Variants in RINT1 observed in about 807,000 individuals in gnomAD.
RINT1 encodes the protein RAD50-interacting protein 1.
In RINT1, 75 loss-of-function variants were observed where a neutral mutation model predicts 97.7. The ratio of observed to expected loss-of-function variants is 0.77; its 90% CI spans 0.64 to 0.93. RINT1 has a LOEUF of 0.93. Among genes scored for constraint, RINT1 ranks in the 40% least tolerant of loss-of-function variants. RINT1 has a pLI of 0.00. For missense variants in RINT1, 892 were observed against 925.2 expected, an observed-to-expected ratio of 0.96 and a Z score of 0.47; for synonymous variants, 303 against 326.3, an observed-to-expected ratio of 0.93 and a Z score of 0.77.
chr7:105,539,475 C>T (rs559168479), intron 3 of RINT1, among the ~76,000 whole-genome samples: 58 of 152,108 alleles, frequency 3.8e-4, no homozygotes, highest in African/African-American at 1.3e-3. Flanking sequence ...ATTCTCCCGC[C>T]TCAGGCTCCC....
At chr7:105,535,672 C>T in intron 2 of RINT1, 4 of 430,516 alleles carry the variant, frequency 9.3e-6, no homozygotes, top group South Asian at 6.7e-5. Context: ...CCTCCCACCT[C>T]AGCCCACCTG....
Position 105,532,260 on chromosome 7 carries a change from A to G in RINT1, c.-56A>G, listed in dbSNP as rs1345849434. On this transcript the variant is annotated 5_prime_UTR_variant, in exon 1 of 15. Coordinates refer to ENST00000257700, the MANE Select transcript of RINT1 (RefSeq NM_021930.6). Reference sequence around the variant, plus strand: ...AGTGAGTGTGTCGCTGGCCTTAGCCAGACTCCACAGGCCACGCTGGCTGCG... The same window carrying G: ...AGTGAGTGTGTCGCTGGCCTTAGCCGGACTCCACAGGCCACGCTGGCTGCG... 3.9e-6 allele frequency: 6 copies of G among 1,540,274 alleles called. No individual in the cohort carries two copies. The highest frequency in any genetic ancestry group is 2.4e-5 in the East Asian group (1 of 41,168).
chr7:105,546,092 G>A (rs1395041711), intron 4 of RINT1, among the ~76,000 whole-genome samples: 1 of 152,192 alleles, frequency 6.6e-6, no homozygotes, highest in East Asian at 1.9e-4. Flanking sequence ...GCCTCCCAAA[G>A]TGCTGGGATT....
chr7:105,553,937 C>T (rs565423304), intron 10 of RINT1, among the ~76,000 whole-genome samples: 3 of 122,036 alleles, frequency 2.5e-5, no homozygotes, highest in Non-Finnish European at 4.8e-5. Context: ...CTCACTCTGT[C>T]GCCCAGGCTG....
chr7:105,537,565 C>T (rs1030754244), intron 3 of RINT1, among the ~76,000 whole-genome samples: 2 of 151,322 alleles, frequency 1.3e-5, no homozygotes, highest in East Asian at 1.9e-4. Context: ...CACGGTGGCT[C>T]ACACCTGTAA....
At position 105,567,266 on chromosome 7, in the gene RINT1, G is replaced by C. The variant is rs184378923; in HGVS notation, c.2334G>C (p.Glu778Asp). 2.9e-5 allele frequency: 46 copies of C among 1,610,470 alleles called. No individual in the cohort carries two copies. In the Middle Eastern group the frequency reaches 5.0e-4, roughly 17 times the overall value. ...GIYKLAQQDV[E>D]ILLNLRTNWP... ...ACAAACTGGCTCAACAAGATGTTGA[G>C]ATTCTACTTAATTTGAGGACAAATT... Residue 778 changes from glutamate to aspartate, a missense_variant, in exon 15 of 15, where the codon GAG (glutamate) becomes GAC (aspartate). By Grantham distance (45) the Glu-to-Asp change is conservative. Transcript: ENST00000257700.
chr7:105,532,803 T>C, intron 1 of RINT1, 21 bp from the exon 2 acceptor site: 1 of 1,613,748 alleles, frequency 6.2e-7, no homozygotes, highest in South Asian at 1.1e-5. Flanking sequence ...AATGTGCTTG[T>C]CACATCTGTT....
At chr7:105,561,148 A>AATT (rs1791420445) in intron 11 of RINT1, among the ~76,000 whole-genome samples, 1 of 151,806 alleles carries the variant, frequency 6.6e-6, no homozygotes. Context: ...GTCCTCTGTT[A>AATT]ATTTTGGAAA....
intron 6 of RINT1, among the ~76,000 whole-genome samples, chr7:105,548,333 G>A (rs1790768217): frequency 6.6e-6 from 1 of 152,030 alleles, no homozygotes; most frequent in Admixed American, 6.6e-5. Flanking sequence ...CTATCATCAT[G>A]CCTGGCTTTT....
intron 3 of RINT1, chr7:105,541,813 G>T (rs1790470264): frequency 6.6e-6 from 1 of 152,216 alleles, no homozygotes; most frequent in Non-Finnish European, 1.5e-5. Flanking sequence ...TGGATCCTCT[G>T]CTGAGCCTAT....
At chr7:105,562,384 G>T (rs1027389257) in intron 11 of RINT1, among the ~76,000 whole-genome samples, 2 of 152,162 alleles carry the variant, frequency 1.3e-5, no homozygotes, top group Non-Finnish European at 2.9e-5. Flanking sequence ...CTGAGTAGCT[G>T]GGAGGTCTGT....
intron 4 of RINT1, among the ~76,000 whole-genome samples, chr7:105,542,977 C>G (rs112481948): frequency 6.6e-6 from 1 of 151,940 alleles, no homozygotes; most frequent in Non-Finnish European, 1.5e-5. Context: ...CTACACCTCC[C>G]GGGTTCATGC....
chr7:105,547,161 T>C lies in RINT1; in HGVS notation c.690-23T>C, dbSNP rs771915975. 3.7e-6 allele frequency: 6 copies of C among 1,614,116 alleles called. No individual in the cohort carries two copies. The South Asian group carries it at 6.6e-5, about 18-fold the overall frequency. On this transcript the variant is annotated intron_variant, in intron 5 of 14. Transcript: ENST00000257700. ...GATCATTTGGTGATGTACTGAAATG[T>C]ATGTGTTACTTTTCCATTGCAGTGA...
At chr7:105,546,609 C>T (rs1371133980) in intron 4 of RINT1, among the ~76,000 whole-genome samples, 5 of 152,198 alleles carry the variant, frequency 3.3e-5, no homozygotes, top group African/African-American at 1.2e-4. Context: ...CACGGTGACT[C>T]ACGCCTCTAA....
intron 2 of RINT1, among the ~76,000 whole-genome samples, chr7:105,534,642 A>G (rs1466919077): frequency 6.6e-6 from 1 of 151,674 alleles, no homozygotes; most frequent in African/African-American, 2.4e-5. Context: ...GGCAAATGTT[A>G]CAATTTGTTT....
rs111868897 is a variant in RINT1, at chr7:105,559,164, GTGGGTGGATCACC to G, written c.1671+3940_1671+3952del. On this transcript the variant is annotated intron_variant, in intron 11 of 14. Coordinates refer to ENST00000257700, the MANE Select transcript of RINT1 (RefSeq NM_021930.6). ...AATCCCAGCACTTTGGGAGGCCAAGGTGGGTGGATCACCTGACGTCAGGAGTTTGAGACCAGCC... is the reference window on the plus strand; with the variant it reads ...AATCCCAGCACTTTGGGAGGCCAAGGTGACGTCAGGAGTTTGAGACCAGCC... 6.1e-3 allele frequency among the ~76,000 whole-genome samples: 930 copies of G among 152,228 alleles called. 9 individuals carry two copies. Among genetic ancestry groups the G allele is most frequent in the African/African-American group, 0.022 (895 of 41,526 alleles).
At chr7:105,561,000 G>C (rs565406866) in intron 11 of RINT1, among the ~76,000 whole-genome samples, 2 of 151,750 alleles carry the variant, frequency 1.3e-5, no homozygotes, top group African/African-American at 2.4e-5. Flanking sequence ...GTTTACAGGC[G>C]TAAGCCACCG....
At chr7:105,547,134 G>A (rs1790701824) in intron 5 of RINT1, 50 bp from the exon 6 acceptor site, 1 of 1,613,522 alleles carries the variant, frequency 6.2e-7, no homozygotes, top group Non-Finnish European at 8.5e-7. Flanking sequence ...TGGGTATTTG[G>A]TGATCATTTG....
chr7:105,548,594 T>A lies in RINT1; in HGVS notation c.880T>A (p.Tyr294Asn). 1 of 1,614,100 alleles carries A rather than the reference T, an allele frequency of 6.2e-7. No homozygotes were observed. Among genetic ancestry groups the A allele is most frequent in the South Asian group, 1.1e-5 (1 of 91,080 alleles). ...TGAGCCAAAGCAACTCCCAGAAAAA[T>A]ACTCTCTTCCTGCCTCCCCTTCTGT... Reference protein sequence around the residue: ...LTEPKQLPEKYSLPASPSVIL... With the variant: ...LTEPKQLPEKNSLPASPSVIL... Residue 294 changes from tyrosine to asparagine, a missense_variant, in exon 7 of 15, where the codon TAC (tyrosine) becomes AAC (asparagine). Tyr to Asn is a moderately radical substitution (Grantham distance 143). Transcript: ENST00000257700.
Sources: allele counts gnomAD v4.1 joint callset (sites outside exome capture counted in the v4.1 genomes callset), GRCh38; gene constraint gnomAD v4.1.1; transcripts MANE v1.5; gene names NCBI Gene and HGNC (gene_info 2026-07-23, HGNC 2026-07-21).